The following GLS variants were observed in gnomAD, a reference collection of about 807,000 sequenced individuals.
GLS encodes the protein glutaminase, also known as glutaminase kidney isoform, mitochondrial.
GLS carries 36 observed loss-of-function variants against 86.7 expected under a neutral mutation model. The observed-to-expected ratio is 0.42, with a 90% confidence interval of 0.32 to 0.55. GLS has a LOEUF of 0.55. GLS is among the 20% of genes least tolerant of loss of function. GLS has a pLI of 0.17. For missense variants in GLS, 528 were observed against 833.4 expected (o/e 0.63, Z 4.51); for synonymous variants, 317 against 305.9 (o/e 1.04, Z -0.38).
At chr2:190,898,001 G>A (rs1227876165) in intron 3 of GLS, among the ~76,000 whole-genome samples, 2 of 152,156 alleles carry the variant, frequency 1.3e-5, no homozygotes, top group East Asian at 3.9e-4. Context: ...ATAGTCAATT[G>A]TTTTTAATGC....
Position 190,927,455 on chromosome 2 carries a change from T to C in GLS, c.1398T>C (p.Tyr466=). 6.2e-7 allele frequency: 1 copy of C among 1,612,098 alleles called. No homozygotes were observed. Among genetic ancestry groups the C allele is most frequent in the East Asian group, 2.2e-5 (1 of 44,732 alleles). Reference sequence around the variant, plus strand: ...GTTTGATGCATTCCTGTGGCATGTATGACTTCTCAGGGCAGTTTGCTTTCC... The same window carrying C: ...GTTTGATGCATTCCTGTGGCATGTACGACTTCTCAGGGCAGTTTGCTTTCC... ...TLSLMHSCGM[Y]DFSGQFAFHV... The change falls in exon 12 of 18, where the codon TAT becomes TAC. Residue 466 remains tyrosine, a synonymous_variant. Coordinates refer to ENST00000320717, the MANE Select transcript of GLS (RefSeq NM_014905.5).
At chr2:190,903,212 T>A (rs1334174299) in intron 5 of GLS, among the ~76,000 whole-genome samples, 2 of 151,744 alleles carry the variant, frequency 1.3e-5, no homozygotes, top group Non-Finnish European at 2.9e-5. Flanking sequence ...GTGATTTTAA[T>A]TTTTTTTTAC....
chr2:190,931,294 C>T lies in GLS; in HGVS notation c.1558-251C>T, dbSNP rs993152504. 1.1e-4 allele frequency among the ~76,000 whole-genome samples: 17 copies of T among 152,050 alleles called. 1 individual carries two copies. Among genetic ancestry groups the T allele is most frequent in the Admixed American group, 9.8e-4 (15 of 15,246 alleles). ...ATTCTTTCATGGGGCCGGTTATAAA[C>T]CCTATTTTGTAGAAGATGAAAGATG... is the stretch of plus-strand genomic sequence containing the variant. On this transcript the variant is annotated intron_variant, in intron 13 of 17. Transcript: ENST00000320717.
intron 6 of GLS, among the ~76,000 whole-genome samples, chr2:190,906,838 A>T (rs866162010): frequency 1.2e-4 from 18 of 152,252 alleles, no homozygotes; most frequent in East Asian, 3.9e-4. Flanking sequence ...ATAAATTTTT[A>T]AAAAATAAAT....
At position 190,881,390 on chromosome 2, in the gene GLS, G is replaced by A. The variant is rs1373879264; in HGVS notation, c.306G>A (p.Ala102=). The change falls in exon 1 of 18, where the codon GCG becomes GCA. Residue 102 remains alanine, a synonymous_variant. Transcript: ENST00000320717. The part of the protein sequence containing the change: ...PGVSPPAAPA[A]PGPKDGPGET... ...TGTCGCCACCCGCTGCCCCGGCGGC[G>A]CCCGGCCCCAAGGACGGCCCCGGGG... The A allele has an allele frequency of 1.9e-5, 30 of 1,541,896 alleles. No homozygotes were observed. In the East Asian group the frequency reaches 7.5e-4, roughly 38 times the overall value.
rs755175310 is a variant in GLS, at chr2:190,924,613, C to CGT, written c.1248+21_1248+22dup. ...TTCCAGGTAATCTAATTATGTAAAT[C>CGT]GTATATATAAATGGATGTGTCGGCT... On this transcript the variant is annotated intron_variant, in intron 11 of 17. Transcript: ENST00000320717. This position sits in a 1 kb window ranked among gnomAD's most constrained non-coding sequence, Gnocchi z 5.2. 2.2e-5 allele frequency: 29 copies of CGT among 1,318,276 alleles called. No individual in the cohort carries two copies. In the South Asian group the frequency reaches 2.9e-4, roughly 13 times the overall value. 81.7% of individuals were successfully genotyped at this position (1,318,276 alleles called of 1,614,324 possible).
chr2:190,900,782 T>C, intron 4 of GLS, 89 bp downstream of exon 4: 1 of 984,198 alleles, frequency 1.0e-6, no homozygotes. Context: ...TGTGTAGTTG[T>C]GTTTTGCTAA....
chr2:190,882,071 A>T (rs1440252886), intron 1 of GLS: 1 of 152,152 alleles, frequency 6.6e-6, no homozygotes, highest in Non-Finnish European at 1.5e-5. Flanking sequence ...CACCGGAAAC[A>T]ATGTTTCAGA....
At chr2:190,896,429 A>G (rs1345365274) in intron 3 of GLS, 1 of 152,228 alleles carries the variant, frequency 6.6e-6, no homozygotes, top group African/African-American at 2.4e-5. Context: ...TTAAACTACT[A>G]CTATTTAAGT....
rs1288126643 is a variant in GLS, at chr2:190,921,427, G to C, written c.1130+224G>C. 1.3e-5 allele frequency among the ~76,000 whole-genome samples: 2 copies of C among 151,828 alleles called. No homozygotes were observed. Among genetic ancestry groups the C allele is most frequent in the Admixed American group, 1.3e-4 (2 of 15,236 alleles). On this transcript the variant is annotated intron_variant, in intron 9 of 17. Coordinates refer to ENST00000320717, the MANE Select transcript of GLS (RefSeq NM_014905.5). The surrounding 1 kb of genome is among the most constrained non-coding windows in gnomAD (Gnocchi z 4.2). ...CTGGTGCTTATTCAGTTTTATCTTT[G>C]CTTGTAATACCTGTCTTACCTCTCT...
chr2:190,906,505 G>GA (rs1305135320), intron 6 of GLS, among the ~76,000 whole-genome samples: 1 of 152,118 alleles, frequency 6.6e-6, no homozygotes, highest in East Asian at 1.9e-4. Flanking sequence ...TTCTATATAA[G>GA]AAAAAATGAC....
intron 14 of GLS, among the ~76,000 whole-genome samples, chr2:190,937,282 G>A (rs925886980): frequency 6.0e-5 from 9 of 151,256 alleles, no homozygotes; most frequent in Admixed American, 5.3e-4. Flanking sequence ...ATTAGAAATG[G>A]AAGGAATTTA....
intron 1 of GLS, among the ~76,000 whole-genome samples, chr2:190,890,278 G>A (rs952597680): frequency 6.6e-6 from 1 of 151,890 alleles, no homozygotes. Flanking sequence ...TGAACTCCTG[G>A]GCTCAAGCAG....
chr2:190,923,543 T>A (rs1689811850), intron 9 of GLS, among the ~76,000 whole-genome samples: 2 of 152,330 alleles, frequency 1.3e-5, no homozygotes, highest in South Asian at 4.1e-4. Flanking sequence ...GTTCCCTGAT[T>A]ATGTCAATTA....
At chr2:190,889,074 TC>T (rs1688482327) in intron 1 of GLS, among the ~76,000 whole-genome samples, 1 of 152,186 alleles carries the variant, frequency 6.6e-6, no homozygotes, top group South Asian at 2.1e-4. Context: ...TTGGAGGACA[TC>T]TATTTTTAGC....
At chr2:190,961,443 C>G (rs1473694764) in intron 17 of GLS, among the ~76,000 whole-genome samples, 3 of 152,172 alleles carry the variant, frequency 2.0e-5, no homozygotes, top group Non-Finnish European at 2.9e-5. Flanking sequence ...GTGGTGCACC[C>G]ACCTTGGCCT....
At position 190,887,933 on chromosome 2, in the gene GLS, G is replaced by C. The variant is rs150839558; in HGVS notation, c.386+6463G>C. Among the ~76,000 whole-genome samples the C allele has an allele frequency of 1.8e-3, 273 of 152,254 alleles. 1 individual carries two copies. Among genetic ancestry groups the C allele is most frequent in the African/African-American group, 6.4e-3 (267 of 41,560 alleles). On this transcript the variant is annotated intron_variant, in intron 1 of 17. Transcript: ENST00000320717. ...AAAGTTAGAATACAGAATTTTCTAT[G>C]CAGTATGATCTCAAGCTATTTAAAA...
At chr2:190,892,377 C>G (rs1213572215) in intron 1 of GLS, among the ~76,000 whole-genome samples, 4 of 151,968 alleles carry the variant, frequency 2.6e-5, no homozygotes. Context: ...ATATCATAAC[C>G]ATTTTATGTT....
At chr2:190,885,207 T>C (rs1398734463) in intron 1 of GLS, among the ~76,000 whole-genome samples, 1 of 152,084 alleles carries the variant, frequency 6.6e-6, no homozygotes, top group Non-Finnish European at 1.5e-5. Flanking sequence ...ATTTTTTTTT[T>C]TTGAGATGGA....
Sources: gnomAD v4.1 joint callset for allele counts (sites outside exome capture counted in the v4.1 genomes callset) on GRCh38, gnomAD v4.1.1 for gene constraint, Gnocchi (gnomAD v3.1) non-coding constraint, MANE v1.5 for transcripts, NCBI Gene and HGNC (gene_info 2026-07-23, HGNC 2026-07-21) for gene names.